The following CLUL1 variants were observed in gnomAD, a reference collection of about 807,000 sequenced individuals.
CLUL1 encodes clusterin-like protein 1.
Under a neutral mutation model 49.4 loss-of-function variants are expected in CLUL1, and 43 were observed. The observed-to-expected ratio is 0.87, with a 90% CI of 0.68 to 1.12. The LOEUF is 1.12. Among genes scored for constraint, CLUL1 ranks in the 50% most tolerant of loss-of-function variants. The pLI, the probability that CLUL1 is intolerant of heterozygous loss-of-function variation, is 0.00. For missense variants in CLUL1, 486 were observed against 544.4 expected (o/e 0.89, Z 1.07); for synonymous variants, 192 against 184.9 (o/e 1.04, Z -0.31).
chr18:647,795 C>T (rs981221327), intron 9 of CLUL1, among the ~76,000 whole-genome samples: 1 of 152,160 alleles, frequency 6.6e-6, no homozygotes, highest in Non-Finnish European at 1.5e-5. Flanking sequence ...CATACCCTCT[C>T]TCCCCTTTCA....
intron 2 of CLUL1, among the ~76,000 whole-genome samples, chr18:615,497 G>T (rs1436754224): frequency 6.6e-6 from 1 of 152,124 alleles, no homozygotes; most frequent in Non-Finnish European, 1.5e-5. Context: ...GATGTCAAAC[G>T]GGCCCAAACT....
chr18:598,517 G>A (rs1017693636), intron 1 of CLUL1: 2 of 398,478 alleles, frequency 5.0e-6, no homozygotes, highest in Non-Finnish European at 8.8e-6. Context: ...CAGCTAATGA[G>A]ACAATGAATT....
At chr18:635,802 T>C (rs1015904758) in intron 7 of CLUL1, among the ~76,000 whole-genome samples, 4 of 152,174 alleles carry the variant, frequency 2.6e-5, no homozygotes, top group Non-Finnish European at 5.9e-5. Context: ...AGTGGCGCGA[T>C]CTTCGCTCAC....
chr18:611,591 T>C (rs2073137507), intron 2 of CLUL1, among the ~76,000 whole-genome samples: 1 of 152,114 alleles, frequency 6.6e-6, no homozygotes, highest in Non-Finnish European at 1.5e-5. Context: ...CAAAAATATT[T>C]TTTAATAAAT....
chr18:617,661 C>T (rs551110899), intron 2 of CLUL1, among the ~76,000 whole-genome samples: 6 of 147,746 alleles, frequency 4.1e-5, no homozygotes, highest in African/African-American at 1.2e-4. Flanking sequence ...CGAATTAATT[C>T]TGTGTTTCGA....
Position 607,006 on chromosome 18 carries a change from G to A in CLUL1, c.-107G>A. 1.5e-6 allele frequency: 1 copy of A among 662,082 alleles called. No individual in the cohort carries two copies. Among genetic ancestry groups the A allele is most frequent in the Non-Finnish European group, 2.7e-6 (1 of 365,874 alleles). The allele number at this position is 662,082 out of a possible 1,614,324, so 41.0% of individuals were successfully genotyped here. On this transcript the variant is annotated 5_prime_UTR_variant, in exon 2 of 10. It introduces an in-frame stop codon into an upstream open reading frame of the 5' UTR. Transcript: ENST00000692774. Reference sequence around the variant, plus strand: ...TGCGTCCCTCTCGGTTGCCAGGCTGGAGTTCAGTGGCATGTTCATAGCTCA... The same window carrying A: ...TGCGTCCCTCTCGGTTGCCAGGCTGAAGTTCAGTGGCATGTTCATAGCTCA...
chr18:630,763 T>G (rs2073973251), intron 6 of CLUL1, among the ~76,000 whole-genome samples: 1 of 131,074 alleles, frequency 7.6e-6, no homozygotes. Flanking sequence ...CTTGGCTCAG[T>G]ACAACCTCCG....
chr18:643,068 G>A (rs2074385635), intron 8 of CLUL1, among the ~76,000 whole-genome samples: 1 of 152,116 alleles, frequency 6.6e-6, no homozygotes, highest in East Asian at 1.9e-4. Context: ...GATCATGCCT[G>A]ATTTGAGAAA....
chr18:620,659 A>C (rs1419560198), intron 4 of CLUL1, among the ~76,000 whole-genome samples: 1 of 152,168 alleles, frequency 6.6e-6, no homozygotes, highest in African/African-American at 2.4e-5. Context: ...CACTTTTTCA[A>C]ATTCAAATAG....
chr18:630,517 C>A lies in CLUL1; in HGVS notation c.857-2781C>A, dbSNP rs181820658. Among the ~76,000 whole-genome samples, 11 of 152,152 alleles carry A rather than the reference C, an allele frequency of 7.2e-5. No homozygotes were observed. The East Asian group carries it at 2.1e-3, about 29-fold the overall frequency. On this transcript the variant is annotated intron_variant, in intron 6 of 9. Coordinates refer to ENST00000692774, the MANE Select transcript of CLUL1 (RefSeq NM_001393344.1). ...GGAGGCAGAAAAGAATTAATAGTAG[C>A]AGCCACAAGAGAAGGACTTGGCTCG... is the stretch of plus-strand genomic sequence containing the variant.
At chr18:607,364 A>G (rs1025480772) in intron 2 of CLUL1, among the ~76,000 whole-genome samples, 1 of 152,180 alleles carries the variant, frequency 6.6e-6, no homozygotes, top group Admixed American at 6.5e-5. Context: ...CCTGACCTCA[A>G]GTGATCCACC....
At chr18:631,541 G>A (rs1177189859) in intron 6 of CLUL1, among the ~76,000 whole-genome samples, 3 of 152,208 alleles carry the variant, frequency 2.0e-5, no homozygotes, top group South Asian at 2.1e-4. Context: ...GCTAGACTAA[G>A]CGAGGTGATG....
intron 4 of CLUL1, among the ~76,000 whole-genome samples, 187 bp from the exon 5 acceptor site, chr18:624,678 G>A (rs573540829): frequency 7.9e-5 from 12 of 152,316 alleles, no homozygotes; most frequent in African/African-American, 2.9e-4. Flanking sequence ...TCTTCAATAG[G>A]AATCAATCAG....
chr18:645,799 AAAAAAAAAAAAATATATATATATATAT>A (rs1243284979), intron 9 of CLUL1, among the ~76,000 whole-genome samples: 5 of 47,238 alleles, frequency 1.1e-4, no homozygotes, highest in Admixed American at 6.5e-4. Context: ...GTTTAAAAAA[AAAAAAAAAAAAATATATATATATATAT>A]ATATATATAT....
chr18:612,972 T>A (rs1402915124), intron 2 of CLUL1: 2 of 254,418 alleles, frequency 7.9e-6, no homozygotes, highest in Non-Finnish European at 1.5e-5. Context: ...TAATTAAATT[T>A]GTGTAGTGCT....
intron 2 of CLUL1, among the ~76,000 whole-genome samples, chr18:617,595 C>CAA (rs11422881): frequency 0.036 from 2,937 of 81,388 alleles, 106 homozygotes; most frequent in African/African-American, 0.068. Context: ...AACTCCGTCT[C>CAA]AAAAAAAAAA....
At chr18:627,680 G>T (rs1407034908) in intron 6 of CLUL1, 151 bp downstream of exon 6, 36 of 609,070 alleles carry the variant, frequency 5.9e-5, no homozygotes, top group Non-Finnish European at 9.7e-5. Context: ...CTTAAAAGAA[G>T]CTTTGAAGTC....
intron 7 of CLUL1, 150 bp downstream of exon 7, chr18:633,585 G>A: frequency 4.2e-6 from 3 of 714,964 alleles, no homozygotes; most frequent in South Asian, 1.8e-5. Flanking sequence ...AGAAGGGTGC[G>A]CCCTTACAGA....
At chr18:629,620 C>T (rs1358128402) in intron 6 of CLUL1, among the ~76,000 whole-genome samples, 1 of 152,244 alleles carries the variant, frequency 6.6e-6, no homozygotes, top group African/African-American at 2.4e-5. Context: ...CACGCACCCT[C>T]CCCAGCCCCT....
Sources: gnomAD v4.1 joint callset for allele counts (sites outside exome capture counted in the v4.1 genomes callset) on GRCh38, gnomAD v4.1.1 for gene constraint, MANE v1.5 for transcripts, NCBI Gene and HGNC (gene_info 2026-07-23, HGNC 2026-07-21) for gene names.